Variants in EYS observed in about 807,000 individuals in gnomAD.
EYS encodes the protein EGF-like photoreceptor maintenance factor, also known as protein eyes shut homolog.
In EYS, 250 loss-of-function variants were observed where a neutral mutation model predicts 282.1. That is an observed-to-expected ratio of 0.89 (90% CI 0.80 to 0.98). The LOEUF (loss-of-function observed/expected upper bound fraction) is 0.98. EYS is among the 50% of genes least tolerant of loss of function. EYS has a pLI of 0.00. For missense variants in EYS, 4,016 were observed against 3,709.0 expected (o/e 1.08, Z -2.15); for synonymous variants, 1,355 against 1,282.9 (o/e 1.06, Z -1.20).
At chr6:65,095,290 C>A (rs891000354) in intron 12 of EYS, among the ~76,000 whole-genome samples, 7 of 150,946 alleles carry the variant, frequency 4.6e-5, no homozygotes, top group African/African-American at 1.7e-4. Flanking sequence ...AGTCAAAGGA[C>A]ACAAAATTTC....
intron 22 of EYS, among the ~76,000 whole-genome samples, chr6:64,757,167 T>C (rs1224117679): frequency 6.6e-6 from 1 of 152,224 alleles, no homozygotes; most frequent in Non-Finnish European, 1.5e-5. Context: ...AAGGAAGACA[T>C]ACTCTGTTAT....
At chr6:65,322,005 T>C (rs372851548) in intron 11 of EYS, among the ~76,000 whole-genome samples, 1 of 152,146 alleles carries the variant, frequency 6.6e-6, no homozygotes, top group East Asian at 1.9e-4. Flanking sequence ...CCTCACAGCT[T>C]CCTCGTACCA....
chr6:64,624,338 C>T lies in EYS; in HGVS notation c.3568+1783G>A, dbSNP rs142193518. ...AAATGAATCTAGTAGTTACAAGATACCTATTGTTATGATAAACAAAATTTA... is the reference window on the plus strand; with the variant it reads ...AAATGAATCTAGTAGTTACAAGATATCTATTGTTATGATAAACAAAATTTA... On this transcript the variant is annotated intron_variant, in intron 23 of 42. Transcript: ENST00000503581. Among the ~76,000 whole-genome samples, 207 of 152,106 alleles carry T rather than the reference C, an allele frequency of 1.4e-3. 2 individuals carry two copies. Among genetic ancestry groups the T allele is most frequent in the African/African-American group, 4.5e-3 (187 of 41,508 alleles).
chr6:63,922,571 A>T (rs1474350942), intron 35 of EYS, among the ~76,000 whole-genome samples: 1 of 152,176 alleles, frequency 6.6e-6, no homozygotes, highest in East Asian at 1.9e-4. Context: ...TCAAAAAAAA[A>T]TTCAGGTCTA....
intron 22 of EYS, among the ~76,000 whole-genome samples, chr6:64,778,229 C>A (rs1357776074): frequency 6.6e-6 from 1 of 152,020 alleles, no homozygotes; most frequent in Non-Finnish European, 1.5e-5. Context: ...GTGATCTTAC[C>A]TCTTGTTTTG....
chr6:64,827,397 T>C (rs1413355067), intron 19 of EYS, among the ~76,000 whole-genome samples: 1 of 151,882 alleles, frequency 6.6e-6, no homozygotes, highest in Non-Finnish European at 1.5e-5. Flanking sequence ...TCTTCCAAAC[T>C]TTATCACTAC....
chr6:65,527,990 G>GT (rs1767633207), intron 2 of EYS, among the ~76,000 whole-genome samples: 1 of 152,184 alleles, frequency 6.6e-6, no homozygotes, highest in South Asian at 2.1e-4. Context: ...CCTAGGATCA[G>GT]TTTTTAAAAA....
At position 65,296,029 on chromosome 6, in the gene EYS, G is replaced by A. The variant is rs2150286339; in HGVS notation, c.1857C>T (p.Leu619=). Reference sequence around the variant, plus strand: ...TACAATTGTGCGAAAGGGCCAGGCAGAGGCCATGCACTGATATACTGTGGT... The same window carrying A: ...TACAATTGTGCGAAAGGGCCAGGCAAAGGCCATGCACTGATATACTGTGGT... The part of the protein sequence containing the change: ...LGNHSISVHG[L]CLALSHNCNC... The change falls in exon 12 of 43, where the codon CTC becomes CTT. Residue 619 remains leucine, a synonymous_variant. Coordinates refer to ENST00000503581, the MANE Select transcript of EYS (RefSeq NM_001142800.2). The A allele has an allele frequency of 6.4e-7, 1 of 1,551,092 alleles. No homozygotes were observed. The highest frequency in any genetic ancestry group is 8.7e-7 in the Non-Finnish European group (1 of 1,146,506).
At chr6:65,382,887 C>T (rs1765670278) in intron 8 of EYS, among the ~76,000 whole-genome samples, 1 of 151,974 alleles carries the variant, frequency 6.6e-6, no homozygotes, top group Non-Finnish European at 1.5e-5. Context: ...TGTTAATCTC[C>T]TTTGACAACA....
At chr6:64,554,944 C>G (rs1195411249) in intron 26 of EYS, among the ~76,000 whole-genome samples, 1 of 151,804 alleles carries the variant, frequency 6.6e-6, no homozygotes, top group Non-Finnish European at 1.5e-5. Context: ...CAATTATAGG[C>G]ATTATAAAAA....
At chr6:65,503,262 AT>A (rs1766522990) in intron 2 of EYS, among the ~76,000 whole-genome samples, 1 of 151,506 alleles carries the variant, frequency 6.6e-6, no homozygotes, top group Non-Finnish European at 1.5e-5. Context: ...CCATCTGTAT[AT>A]TTTGGGGGTT....
chr6:64,544,780 A>G (rs1764798801), intron 26 of EYS, among the ~76,000 whole-genome samples: 1 of 152,228 alleles, frequency 6.6e-6, no homozygotes, highest in African/African-American at 2.4e-5. Context: ...GAAGAAATGG[A>G]CAAATTCTTC....
chr6:65,578,980 T>C (rs1360099131), intron 2 of EYS, among the ~76,000 whole-genome samples: 1 of 152,122 alleles, frequency 6.6e-6, no homozygotes, highest in Non-Finnish European at 1.5e-5. Flanking sequence ...CTAGTTTAAA[T>C]TATTTTCCAA....
At chr6:64,632,062 A>G (rs1767801352) in intron 22 of EYS, among the ~76,000 whole-genome samples, 1 of 96,152 alleles carries the variant, frequency 1.0e-5, no homozygotes, top group Non-Finnish European at 2.3e-5. Flanking sequence ...GGAAGGAACG[A>G]TGTTATGACT....
intron 35 of EYS, among the ~76,000 whole-genome samples, chr6:63,930,280 A>ACCCCCC (rs55860475): frequency 7.8e-6 from 1 of 128,422 alleles, no homozygotes; most frequent in Non-Finnish European, 1.6e-5. Flanking sequence ...TAAGAAACCC[A>ACCCCCC]CCCCCCCCAC....
chr6:64,218,510 C>T (rs184760173), intron 31 of EYS, among the ~76,000 whole-genome samples: 84 of 152,198 alleles, frequency 5.5e-4, no homozygotes, highest in Non-Finnish European at 9.1e-4. Context: ...ACTGACCAAC[C>T]CTTAGTAATT....
chr6:64,838,440 C>T (rs915134319), intron 19 of EYS, among the ~76,000 whole-genome samples: 16 of 151,890 alleles, frequency 1.1e-4, no homozygotes, highest in African/African-American at 3.4e-4. Flanking sequence ...ATTCTTTTGC[C>T]TAGGGATGCT....
intron 22 of EYS, among the ~76,000 whole-genome samples, chr6:64,681,450 A>T (rs143467213): frequency 6.6e-6 from 1 of 152,320 alleles, no homozygotes; most frequent in East Asian, 1.9e-4. Context: ...GGCAAATACT[A>T]GAAAGGAAAC....
intron 15 of EYS, among the ~76,000 whole-genome samples, chr6:64,921,203 C>A (rs1037189042): frequency 6.6e-6 from 1 of 152,016 alleles, no homozygotes; most frequent in Non-Finnish European, 1.5e-5. Flanking sequence ...ACCATTAATT[C>A]TGAAATGTAA....
Sources: allele counts gnomAD v4.1 joint callset (sites outside exome capture counted in the v4.1 genomes callset), GRCh38; gene constraint gnomAD v4.1.1; transcripts MANE v1.5; gene names NCBI Gene and HGNC (gene_info 2026-07-23, HGNC 2026-07-21).